Variants in NRXN3 observed in about 807,000 individuals in gnomAD.
NRXN3 encodes the protein neurexin III.
A neutral mutation model predicts 137.6 loss-of-function variants in NRXN3; 32 were observed. The ratio of observed to expected loss-of-function variants is 0.23; its 90% CI spans 0.18 to 0.31. The LOEUF is 0.31. Among genes scored for constraint, NRXN3 ranks in the 10% least tolerant of loss-of-function variants. The pLI, the probability that NRXN3 is intolerant of heterozygous loss-of-function variation, is 1.00. For missense variants in NRXN3, 1,574 were observed against 2,062.5 expected, an observed-to-expected ratio of 0.76 and a Z score of 4.59; for synonymous variants, 798 against 784.5, an observed-to-expected ratio of 1.02 and a Z score of -0.29.
chr14:79,366,980 C>CTTTTT (rs71131695), intron 15 of NRXN3, among the ~76,000 whole-genome samples: 6 of 113,214 alleles, frequency 5.3e-5, no homozygotes, highest in African/African-American at 9.5e-5. Flanking sequence ...GTCCCTTAGT[C>CTTTTT]TTTTTTTTTT....
chr14:78,816,507 A>C (rs1018668606), intron 10 of NRXN3, among the ~76,000 whole-genome samples: 4 of 152,166 alleles, frequency 2.6e-5, no homozygotes, highest in Non-Finnish European at 5.9e-5. Flanking sequence ...TATTCCGTCT[A>C]ATAGCCACAT....
intron 16 of NRXN3, among the ~76,000 whole-genome samples, chr14:79,489,898 G>A (rs1431152104): frequency 6.6e-6 from 1 of 151,826 alleles, no homozygotes; most frequent in Admixed American, 6.6e-5. Context: ...AATTAGCCGG[G>A]CATGGTGGCA....
chr14:78,902,554 G>A (rs2099200115), intron 10 of NRXN3, among the ~76,000 whole-genome samples: 1 of 151,926 alleles, frequency 6.6e-6, no homozygotes, highest in African/African-American at 2.4e-5. Flanking sequence ...GAGGAGGAAG[G>A]GGAGGAGGAG....
intron 6 of NRXN3, among the ~76,000 whole-genome samples, chr14:78,706,883 A>G (rs184215774): frequency 5.9e-5 from 9 of 152,290 alleles, no homozygotes; most frequent in Admixed American, 2.6e-4. Flanking sequence ...TGGTGATGAG[A>G]GATGGGAACT....
At chr14:79,706,538 A>T (rs2098780344) in intron 19 of NRXN3, among the ~76,000 whole-genome samples, 1 of 150,240 alleles carries the variant, frequency 6.7e-6, no homozygotes, top group South Asian at 2.1e-4. Flanking sequence ...GCCTCTGAGG[A>T]GGAAAGCCTC....
chr14:78,267,527 T>C (rs1259905484), intron 2 of NRXN3, among the ~76,000 whole-genome samples: 1 of 152,084 alleles, frequency 6.6e-6, no homozygotes, highest in Non-Finnish European at 1.5e-5. Flanking sequence ...CCCCTCTCTG[T>C]ACCAAAAGAT....
chr14:79,376,440 C>T (rs2094304991), intron 15 of NRXN3, among the ~76,000 whole-genome samples: 1 of 151,778 alleles, frequency 6.6e-6, no homozygotes, highest in African/African-American at 2.4e-5. Context: ...AAATCCTCAT[C>T]CTCCAATTAA....
chr14:79,579,853 C>T (rs1264386709), intron 16 of NRXN3, among the ~76,000 whole-genome samples: 1 of 152,082 alleles, frequency 6.6e-6, no homozygotes, highest in South Asian at 2.1e-4. Flanking sequence ...ACTATAGTCA[C>T]CCTACTCTGC....
At chr14:79,386,031 T>G (rs1352064591) in intron 15 of NRXN3, among the ~76,000 whole-genome samples, 1 of 152,210 alleles carries the variant, frequency 6.6e-6, no homozygotes, top group African/African-American at 2.4e-5. Flanking sequence ...GCATTCCCTT[T>G]GAAAACTGGC....
intron 5 of NRXN3, chr14:78,649,332 T>C (rs1264268840): frequency 9.2e-6 from 12 of 1,307,652 alleles, no homozygotes; most frequent in Non-Finnish European, 1.2e-5. Context: ...ATTCTTATTG[T>C]CTCTTTTTTT....
chr14:78,591,692 G>T (rs2097118298), intron 4 of NRXN3, among the ~76,000 whole-genome samples: 2 of 152,174 alleles, frequency 1.3e-5, no homozygotes, highest in Non-Finnish European at 2.9e-5. Context: ...GTAACATGGA[G>T]ATATGCTTGA....
At chr14:78,197,364 C>T (rs2061325931) in intron 1 of NRXN3, among the ~76,000 whole-genome samples, 1 of 152,222 alleles carries the variant, frequency 6.6e-6, no homozygotes, top group Non-Finnish European at 1.5e-5. Flanking sequence ...GGCTTTCTCC[C>T]AGTTCTGTAA....
At chr14:78,314,102 C>T (rs1416684995) in intron 4 of NRXN3, among the ~76,000 whole-genome samples, 1 of 152,074 alleles carries the variant, frequency 6.6e-6, no homozygotes, top group Non-Finnish European at 1.5e-5. Flanking sequence ...TACCAAATGC[C>T]ACTTAAAATA....
In NRXN3 at chr14:79,353,483, A is replaced by G. The variant is rs2093307194; in HGVS notation, c.3263-113738A>G. On this transcript the variant is annotated intron_variant, in intron 15 of 20. Coordinates refer to ENST00000335750, the MANE Select transcript of NRXN3 (RefSeq NM_001330195.2). ...TACAGTAAACTTTGTTTGCTTTTGC[A>G]TTTGAACTTTAGGAATCAAGGTTTT... Among the ~76,000 whole-genome samples, 3 of 151,962 alleles carry G rather than the reference A, an allele frequency of 2.0e-5. No homozygotes were observed. In the South Asian group the frequency reaches 6.2e-4, roughly 31 times the overall value.
In NRXN3 at chr14:78,754,523, G is replaced by T. The variant is rs111860729; in HGVS notation, c.2044+39384G>T. Among the ~76,000 whole-genome samples the T allele has an allele frequency of 1.2e-3, 179 of 152,272 alleles. 2 individuals are homozygous for T. Among genetic ancestry groups the T allele is most frequent in the African/African-American group, 4.1e-3 (171 of 41,550 alleles). On this transcript the variant is annotated intron_variant, in intron 8 of 20. Coordinates refer to ENST00000335750, the MANE Select transcript of NRXN3 (RefSeq NM_001330195.2). ...GCAGATCTCAGTTTCAAGGTAATTT[G>T]CTCTTGGAAGCAGTCCCTAACTTCT...
At chr14:79,130,192 T>C (rs1278606923) in intron 15 of NRXN3, among the ~76,000 whole-genome samples, 4 of 151,792 alleles carry the variant, frequency 2.6e-5, no homozygotes, top group Admixed American at 2.0e-4. Context: ...AAAGTTAATA[T>C]TGTTATGTGT....
intron 4 of NRXN3, among the ~76,000 whole-genome samples, chr14:78,331,114 C>A (rs1481406428): frequency 6.6e-6 from 1 of 152,024 alleles, no homozygotes; most frequent in Non-Finnish European, 1.5e-5. Context: ...AAATAATAAC[C>A]ACAAGGATTT....
intron 15 of NRXN3, among the ~76,000 whole-genome samples, chr14:79,037,647 A>C (rs183431921): frequency 6.6e-6 from 1 of 152,162 alleles, no homozygotes; most frequent in East Asian, 1.9e-4. Context: ...CCCTCTCCCT[A>C]GTGCCACATT....
chr14:78,299,901 C>T (rs2076714865), intron 4 of NRXN3, among the ~76,000 whole-genome samples: 1 of 152,146 alleles, frequency 6.6e-6, no homozygotes, highest in Admixed American at 6.5e-5. Flanking sequence ...TTCTGGGTAA[C>T]TGGTGCTACT....
Sources: allele counts gnomAD v4.1 joint callset (sites outside exome capture counted in the v4.1 genomes callset), GRCh38; gene constraint gnomAD v4.1.1; transcripts MANE v1.5; gene names NCBI Gene and HGNC (gene_info 2026-07-23, HGNC 2026-07-21).